The following DIP2C variants were observed in gnomAD, a reference collection of about 807,000 sequenced individuals.
DIP2C encodes disco-interacting protein 2 homolog C.
Under a neutral mutation model 192.4 loss-of-function variants are expected in DIP2C, and 33 were observed. The observed-to-expected ratio is 0.17, with a 90% CI of 0.13 to 0.23. The LOEUF is 0.23. Ranked by LOEUF, DIP2C falls within the 10% of genes least tolerant of loss-of-function variation. DIP2C has a pLI of 1.00. For synonymous variants in DIP2C, 979 were observed against 864.1 expected (o/e 1.13, Z -2.33); for missense variants, 1,537 against 2,110.1 (o/e 0.73, Z 5.32).
intron 1 of DIP2C, among the ~76,000 whole-genome samples, chr10:644,134 G>A (rs188767295): frequency 9.2e-5 from 14 of 152,344 alleles, no homozygotes; most frequent in Non-Finnish European, 1.9e-4. Context: ...AGAAGAGACT[G>A]GGAGTTACAC....
chr10:319,762 G>T (rs1008660613), intron 31 of DIP2C, among the ~76,000 whole-genome samples: 1 of 152,098 alleles, frequency 6.6e-6, no homozygotes, highest in Non-Finnish European at 1.5e-5. Context: ...AAAGGTACTG[G>T]GAAATGTTAC....
rs145126829 is a variant in DIP2C, at chr10:363,879, T to C, written c.2477+495A>G. On this transcript the variant is annotated intron_variant, in intron 20 of 36. Coordinates refer to ENST00000280886, the MANE Select transcript of DIP2C (RefSeq NM_014974.3). The surrounding 1 kb of genome is among the most constrained non-coding windows in gnomAD (Gnocchi z 5.4). ...ACTGAAAAAAGGCTCTAAAACACTT[T>C]ATGACTTCCTCCAGATTGGCAAAAA... 2.2e-3 allele frequency among the ~76,000 whole-genome samples: 340 copies of C among 152,280 alleles called. 2 individuals carry two copies. Among genetic ancestry groups the C allele is most frequent in the African/African-American group, 7.7e-3 (318 of 41,558 alleles).
rs76318150 is a variant in DIP2C, at chr10:576,973, A to T, written c.86-90443T>A. Reference sequence around the variant, plus strand: ...AACTAATTGCCAAGGTCCACATTCCATTTACTTAAAATATAAAATTCATTA... The same window carrying T: ...AACTAATTGCCAAGGTCCACATTCCTTTTACTTAAAATATAAAATTCATTA... On this transcript the variant is annotated intron_variant, in intron 1 of 36. Transcript: ENST00000280886. Among the ~76,000 whole-genome samples, 959 of 152,246 alleles carry T rather than the reference A, an allele frequency of 6.3e-3. 11 individuals are homozygous for T. The highest frequency in any genetic ancestry group is 0.022 in the African/African-American group (928 of 41,542).
At chr10:483,516 C>CA (rs1458296120) in intron 2 of DIP2C, among the ~76,000 whole-genome samples, 1 of 152,238 alleles carries the variant, frequency 6.6e-6, no homozygotes, top group Non-Finnish European at 1.5e-5. Flanking sequence ...GGAGTCCCCC[C>CA]ATCCTGAGTC....
At chr10:609,271 C>G (rs890468459) in intron 1 of DIP2C, among the ~76,000 whole-genome samples, 1 of 152,128 alleles carries the variant, frequency 6.6e-6, no homozygotes, top group Non-Finnish European at 1.5e-5. Context: ...ATTAACAGGA[C>G]AAGTTTTTTC....
chr10:556,494 A>C (rs1848881106), intron 1 of DIP2C, among the ~76,000 whole-genome samples: 1 of 149,470 alleles, frequency 6.7e-6, no homozygotes, highest in Non-Finnish European at 1.5e-5. Context: ...CGGCCACCTG[A>C]CTCTACCAGG....
chr10:380,205 C>A (rs1404765068), intron 17 of DIP2C, among the ~76,000 whole-genome samples: 1 of 150,250 alleles, frequency 6.7e-6, no homozygotes, highest in Non-Finnish European at 1.5e-5. Context: ...GCAGAAGAGG[C>A]TCTCCCTGGA....
At position 414,739 on chromosome 10, in the gene DIP2C, G is replaced by GTATATATATATATATATATATATA. The variant is rs1554847955; in HGVS notation, c.860-630_860-629insTATATATATATATATATATATATA. On this transcript the variant is annotated intron_variant, in intron 7 of 36. Coordinates refer to ENST00000280886, the MANE Select transcript of DIP2C (RefSeq NM_014974.3). ...TGTGTGTGTGTGTGTGTGTGTGTGT[G>GTATATATATATATATATATATATA]TACATATATATATATATAATGTGTA... Among the ~76,000 whole-genome samples, 326 of 90,466 alleles carry GTATATATATATATATATATATATA rather than the reference G, an allele frequency of 3.6e-3. 5 individuals are homozygous for GTATATATATATATATATATATATA. The highest frequency in any genetic ancestry group is 0.013 in the Middle Eastern group (2 of 158). 59.3% of individuals were successfully genotyped at this position (90,466 alleles called of 152,430 possible).
intron 14 of DIP2C, among the ~76,000 whole-genome samples, chr10:385,081 G>C (rs942972468): frequency 6.6e-6 from 1 of 151,750 alleles, no homozygotes; most frequent in African/African-American, 2.4e-5. Flanking sequence ...GGAGCGCCAC[G>C]GACACCAGGC....
intron 26 of DIP2C, 135 bp from the exon 27 acceptor site, chr10:345,245 C>T: frequency 1.1e-6 from 1 of 887,076 alleles, no homozygotes; most frequent in Non-Finnish European, 1.8e-6. Flanking sequence ...ACCGAGCCCT[C>T]CTGCTGGCTA....
In DIP2C at chr10:537,078, C is replaced by T. The variant is rs183396017; in HGVS notation, c.86-50548G>A. On this transcript the variant is annotated intron_variant, in intron 1 of 36. Transcript: ENST00000280886. ...CCCTGTCAGGCAGCCTGAAGGGACT[C>T]ACCCAGGTCCCAGGTGAAGTCTGAT... Among the ~76,000 whole-genome samples, 27 of 152,340 alleles carry T rather than the reference C, an allele frequency of 1.8e-4. No individual in the cohort carries two copies. The East Asian group carries it at 5.0e-3, about 28-fold the overall frequency.
At chr10:472,736 A>G (rs1241499048) in intron 2 of DIP2C, among the ~76,000 whole-genome samples, 187 bp from the exon 3 acceptor site, 1 of 152,190 alleles carries the variant, frequency 6.6e-6, no homozygotes, top group Non-Finnish European at 1.5e-5. Flanking sequence ...ACCGCCAGGG[A>G]GACCCCTCCT....
intron 1 of DIP2C, among the ~76,000 whole-genome samples, chr10:613,126 A>G (rs1853214754): frequency 6.6e-6 from 1 of 152,208 alleles, no homozygotes; most frequent in Non-Finnish European, 1.5e-5. Context: ...CTCGTCTGCA[A>G]AAAACAGTCA....
At chr10:326,247 T>C (rs1957267795) in intron 31 of DIP2C, among the ~76,000 whole-genome samples, 2 of 152,094 alleles carry the variant, frequency 1.3e-5, no homozygotes, top group Admixed American at 1.3e-4. Context: ...TCTGAAGTGA[T>C]CTCGGGAAGA....
At chr10:499,517 G>A (rs1395366175) in intron 1 of DIP2C, among the ~76,000 whole-genome samples, 6 of 152,252 alleles carry the variant, frequency 3.9e-5, no homozygotes, top group Non-Finnish European at 7.3e-5. Flanking sequence ...ATGGCGGCAG[G>A]TGAGAGGGAG....
At chr10:334,499 ACT>A (rs1179642488) in intron 29 of DIP2C, among the ~76,000 whole-genome samples, 1 of 151,682 alleles carries the variant, frequency 6.6e-6, no homozygotes, top group Non-Finnish European at 1.5e-5. Context: ...CCTTTGATGA[ACT>A]CTGTGCCTAA....
intron 4 of DIP2C, among the ~76,000 whole-genome samples, chr10:438,067 CTGA>C (rs1457168032): frequency 6.6e-6 from 1 of 152,176 alleles, no homozygotes; most frequent in Admixed American, 6.5e-5. Context: ...ACAAGGACTC[CTGA>C]TGAAAATTTA....
At chr10:349,715 A>G (rs1332524522) in intron 24 of DIP2C, among the ~76,000 whole-genome samples, 1 of 152,240 alleles carries the variant, frequency 6.6e-6, no homozygotes, top group Non-Finnish European at 1.5e-5. Context: ...AGATATATTT[A>G]GAGTAACAAG....
At chr10:499,746 T>C (rs1476791246) in intron 1 of DIP2C, among the ~76,000 whole-genome samples, 4 of 152,170 alleles carry the variant, frequency 2.6e-5, no homozygotes, top group Non-Finnish European at 5.9e-5. Flanking sequence ...GTTATGGAAA[T>C]TACAATTCGA....
Sources: allele counts gnomAD v4.1 joint callset (sites outside exome capture counted in the v4.1 genomes callset), GRCh38; gene constraint gnomAD v4.1.1; non-coding constraint Gnocchi (gnomAD v3.1); transcripts MANE v1.5; gene names NCBI Gene and HGNC (gene_info 2026-07-23, HGNC 2026-07-21).